The following B4GALT5 variants were observed in gnomAD, a reference collection of about 807,000 sequenced individuals.
B4GALT5 encodes beta-1,4-galactosyltransferase 5.
In B4GALT5, 11 loss-of-function variants were observed where a neutral mutation model predicts 45.0. The ratio of observed to expected loss-of-function variants is 0.24; its 90% CI spans 0.15 to 0.40. B4GALT5 has a LOEUF of 0.40. Ranked by LOEUF, B4GALT5 falls within the 10% of genes least tolerant of loss-of-function variation. B4GALT5 has a pLI of 1.00. For synonymous variants in B4GALT5, 185 were observed against 182.9 expected (o/e 1.01, Z -0.09); for missense variants, 337 against 500.2 (o/e 0.67, Z 3.11).
chr20:49,642,981 A>G (rs1250053716), intron 4 of B4GALT5, among the ~76,000 whole-genome samples: 1 of 152,218 alleles, frequency 6.6e-6, no homozygotes, highest in Non-Finnish European at 1.5e-5. Flanking sequence ...TGGGCTGGAT[A>G]CTGATGTGTT....
At chr20:49,695,945 G>T (rs999876421) in intron 1 of B4GALT5, among the ~76,000 whole-genome samples, 1 of 152,168 alleles carries the variant, frequency 6.6e-6, no homozygotes, top group Non-Finnish European at 1.5e-5. Context: ...TTCCATGTGG[G>T]ATCTTCCAAA....
In B4GALT5 at chr20:49,633,973, A is replaced by G. The variant is rs1017895085; in HGVS notation, c.*2339T>C. On this transcript the variant is annotated 3_prime_UTR_variant, in exon 9 of 9. Transcript: ENST00000371711. ...AGGGTGGAGGGGGGTCTTTATTGCT[A>G]TATGCACCATAAAACAAAGGAAAAC... is the stretch of plus-strand genomic sequence containing the variant. 1 of 152,598 alleles carries G rather than the reference A, an allele frequency of 6.6e-6. No homozygotes were observed. Among genetic ancestry groups the G allele is most frequent in the Non-Finnish European group, 1.5e-5 (1 of 68,026 alleles). 9.5% of individuals were successfully genotyped at this position (152,598 alleles called of 1,614,324 possible).
chr20:49,642,607 A>C lies in B4GALT5; in HGVS notation c.490-23T>G, dbSNP rs376419024. ...CACCTGGAGTGGATTACAGCAAAAG[A>C]AGCACAGTTAGGACTCTCAGCTTTC... On this transcript the variant is annotated intron_variant, in intron 4 of 8. Coordinates refer to ENST00000371711, the MANE Select transcript of B4GALT5 (RefSeq NM_004776.4). 3.1e-4 allele frequency: 480 copies of C among 1,554,448 alleles called. No homozygotes were observed. Among genetic ancestry groups the C allele is most frequent in the Non-Finnish European group, 4.1e-4 (457 of 1,128,042 alleles).
intron 1 of B4GALT5, among the ~76,000 whole-genome samples, chr20:49,687,947 G>T (rs929350179): frequency 4.6e-5 from 7 of 151,846 alleles, no homozygotes; most frequent in African/African-American, 1.5e-4. Flanking sequence ...ACTATGACTT[G>T]AAGAGACACA....
At chr20:49,645,816 A>C (rs2085596774) in intron 3 of B4GALT5, among the ~76,000 whole-genome samples, 1 of 151,982 alleles carries the variant, frequency 6.6e-6, no homozygotes, top group Non-Finnish European at 1.5e-5. Flanking sequence ...ATAATAAACT[A>C]TGTTACTGGT....
chr20:49,683,815 T>C (rs1490376138), intron 1 of B4GALT5, among the ~76,000 whole-genome samples: 2 of 152,152 alleles, frequency 1.3e-5, no homozygotes, highest in Non-Finnish European at 2.9e-5. Flanking sequence ...CTCATTTGTA[T>C]TGAATGAGTT....
chr20:49,668,241 G>A (rs2085700495), intron 1 of B4GALT5, among the ~76,000 whole-genome samples: 1 of 151,878 alleles, frequency 6.6e-6, no homozygotes, highest in African/African-American at 2.4e-5. Flanking sequence ...AAAAATCCAA[G>A]TGGTAAAAAT....
At chr20:49,643,448 C>T in intron 4 of B4GALT5, 78 bp downstream of exon 4, 2 of 1,550,296 alleles carry the variant, frequency 1.3e-6, no homozygotes, top group Admixed American at 3.6e-5. Flanking sequence ...TCATGGTTAG[C>T]TAATCCCATG....
chr20:49,636,935 C>CACACACACAAAG (rs1174696775), intron 8 of B4GALT5, among the ~76,000 whole-genome samples: 37 of 151,618 alleles, frequency 2.4e-4, no homozygotes, highest in African/African-American at 8.7e-4. Context: ...CACACACACA[C>CACACACACAAAG]AAAGAAAGAA....
intron 1 of B4GALT5, among the ~76,000 whole-genome samples, chr20:49,685,140 T>C (rs539757898): frequency 1.2e-4 from 18 of 152,220 alleles, no homozygotes; most frequent in Non-Finnish European, 2.6e-4. Flanking sequence ...TTCTGATTTA[T>C]GCACTTAAAC....
At chr20:49,703,502 G>GA (rs1239017703) in intron 1 of B4GALT5, among the ~76,000 whole-genome samples, 1 of 152,132 alleles carries the variant, frequency 6.6e-6, no homozygotes, top group East Asian at 1.9e-4. Context: ...TTACAATCCA[G>GA]AAAACTTCCC....
chr20:49,638,972 G>C (rs1250809846), intron 7 of B4GALT5, among the ~76,000 whole-genome samples: 1 of 152,120 alleles, frequency 6.6e-6, no homozygotes, highest in Non-Finnish European at 1.5e-5. Flanking sequence ...CCTATTGAGA[G>C]CTTATCACAT....
At chr20:49,700,750 C>G (rs1600556648) in intron 1 of B4GALT5, among the ~76,000 whole-genome samples, 1 of 152,182 alleles carries the variant, frequency 6.6e-6, no homozygotes, top group East Asian at 1.9e-4. Context: ...AGGAATGACT[C>G]ACATCCCAGG....
intron 1 of B4GALT5, among the ~76,000 whole-genome samples, chr20:49,703,892 A>T (rs77378538): frequency 1.1e-4 from 4 of 35,780 alleles, no homozygotes; most frequent in African/African-American, 3.2e-4. Context: ...CCATCTCAGG[A>T]AAAAAAAAAA....
chr20:49,685,350 A>G (rs559407095), intron 1 of B4GALT5, among the ~76,000 whole-genome samples: 1 of 152,306 alleles, frequency 6.6e-6, no homozygotes, highest in South Asian at 2.1e-4. Context: ...AGGGGCTTCA[A>G]AAATTACTTT....
At chr20:49,711,724 C>T (rs984348177) in intron 1 of B4GALT5, among the ~76,000 whole-genome samples, 1 of 152,226 alleles carries the variant, frequency 6.6e-6, no homozygotes, top group Non-Finnish European at 1.5e-5. Context: ...TAGAGGAACA[C>T]TTTTCGTGAT....
chr20:49,688,873 G>A (rs1265190121), intron 1 of B4GALT5, among the ~76,000 whole-genome samples: 1 of 151,100 alleles, frequency 6.6e-6, no homozygotes, highest in African/African-American at 2.4e-5. Flanking sequence ...GGAGGCAGAG[G>A]TGGCAGTGAG....
At chr20:49,660,707 T>C (rs1178971235) in intron 1 of B4GALT5, among the ~76,000 whole-genome samples, 1 of 152,110 alleles carries the variant, frequency 6.6e-6, no homozygotes, top group Admixed American at 6.5e-5. Flanking sequence ...TGTTACCGGT[T>C]GGGCGCAGTG....
intron 1 of B4GALT5, among the ~76,000 whole-genome samples, chr20:49,708,943 A>G (rs2085896373): frequency 6.6e-6 from 1 of 152,108 alleles, no homozygotes; most frequent in Admixed American, 6.5e-5. Flanking sequence ...AAAAAAAAAA[A>G]AAAAAGTCAT....
Sources: allele counts gnomAD v4.1 joint callset (sites outside exome capture counted in the v4.1 genomes callset), GRCh38; gene constraint gnomAD v4.1.1; transcripts MANE v1.5; gene names NCBI Gene and HGNC (gene_info 2026-07-23, HGNC 2026-07-21).